The following NIM1K variants were observed in gnomAD, a reference collection of about 807,000 sequenced individuals.
NIM1K encodes the protein NIM1 serine/threonine protein kinase.
A neutral mutation model predicts 37.1 loss-of-function variants in NIM1K; 35 were observed. The observed-to-expected ratio is 0.94, with a 90% CI of 0.72 to 1.25. The LOEUF is 1.25. NIM1K is among the 50% of genes most tolerant of loss of function. NIM1K has a pLI of 0.00. For missense variants in NIM1K, 564 were observed against 548.0 expected, an observed-to-expected ratio of 1.03 and a Z score of -0.29; for synonymous variants, 234 against 206.6, an observed-to-expected ratio of 1.13 and a Z score of -1.14.
chr5:43,200,231 G>T (rs1751997396), intron 1 of NIM1K, among the ~76,000 whole-genome samples: 2 of 152,054 alleles, frequency 1.3e-5, no homozygotes, highest in Non-Finnish European at 2.9e-5. Context: ...TTGAATGACA[G>T]ATTCTATGTT....
chr5:43,266,134 A>C (rs6875529), intron 2 of NIM1K, among the ~76,000 whole-genome samples: 2,769 of 152,170 alleles, frequency 0.018, 91 homozygotes, highest in African/African-American at 0.064. Flanking sequence ...GAGAACCACT[A>C]CTCTCTTCAA....
At chr5:43,201,897 T>G (rs1752025292) in intron 1 of NIM1K, among the ~76,000 whole-genome samples, 1 of 150,642 alleles carries the variant, frequency 6.6e-6, no homozygotes, top group Admixed American at 6.7e-5. Flanking sequence ...AGGCAGAGGT[T>G]GCAGTGAGCT....
chr5:43,220,321 T>G, intron 1 of NIM1K, among the ~76,000 whole-genome samples: 1 of 139,766 alleles, frequency 7.2e-6, no homozygotes, highest in Non-Finnish European at 1.5e-5. Flanking sequence ...GGAGATGGAG[T>G]CTCACCCAGG....
Position 43,192,247 on chromosome 5 carries a change from C to G in NIM1K, c.-859C>G, listed in dbSNP as rs1013286831. On this transcript the variant is annotated 5_prime_UTR_variant, in exon 1 of 4. Coordinates refer to ENST00000326035, the MANE Select transcript of NIM1K (RefSeq NM_153361.4). Reference sequence around the variant, plus strand: ...GGCGGGGTTTGCCCTGGGCCGCTGCCGGTCAGGTCGGCCGCCCCTGACAGC... The same window carrying G: ...GGCGGGGTTTGCCCTGGGCCGCTGCGGGTCAGGTCGGCCGCCCCTGACAGC... The G allele has an allele frequency of 1.3e-5, 2 of 152,436 alleles. No individual in the cohort carries two copies. Among genetic ancestry groups the G allele is most frequent in the Non-Finnish European group, 2.9e-5 (2 of 68,220 alleles). 9.4% of individuals were successfully genotyped at this position (152,436 alleles called of 1,614,324 possible). A position where few individuals can be genotyped will look rare whatever the true frequency, so the allele number is the denominator to read the frequency against.
chr5:43,231,875 A>C, intron 1 of NIM1K: 1 of 1,184,520 alleles, frequency 8.4e-7, no homozygotes, highest in Non-Finnish European at 1.2e-6. Context: ...CCTCCTTATA[A>C]TCCTTCTCAA....
At chr5:43,231,825 C>A (rs546484822) in intron 1 of NIM1K, 3 of 1,226,066 alleles carry the variant, frequency 2.4e-6, no homozygotes, top group Non-Finnish European at 3.4e-6. Context: ...GTATTCCTCT[C>A]TTTCTTCCTC....
intron 1 of NIM1K, among the ~76,000 whole-genome samples, chr5:43,222,160 C>T (rs1371053311): frequency 6.6e-6 from 1 of 152,150 alleles, no homozygotes; most frequent in Non-Finnish European, 1.5e-5. Flanking sequence ...TCTGGCCTTG[C>T]CTTATGTCCC....
At chr5:43,222,418 C>T (rs1752393251) in intron 1 of NIM1K, among the ~76,000 whole-genome samples, 1 of 152,008 alleles carries the variant, frequency 6.6e-6, no homozygotes, top group African/African-American at 2.4e-5. Context: ...TTCATTCACC[C>T]CTGAAACATT....
At chr5:43,206,430 A>G (rs6880391) in intron 1 of NIM1K, among the ~76,000 whole-genome samples, 146,464 of 148,810 alleles carry the variant, frequency 0.98, 72,132 homozygotes, top group Middle Eastern at 1. Context: ...GAGCCCAGGG[A>G]TCAAGGCTGT....
chr5:43,198,632 A>G (rs1440759187), intron 1 of NIM1K, among the ~76,000 whole-genome samples: 1 of 152,042 alleles, frequency 6.6e-6, no homozygotes. Context: ...TTATCCTCCT[A>G]CTTTCTAGCA....
At position 43,216,233 on chromosome 5, in the gene NIM1K, T is replaced by G. The variant is rs529123711; in HGVS notation, c.-695+23822T>G. ...AGGCATGGTTTTCTGTGAAGTGAGT[T>G]GAGGAAATGGAAACTGGTGAGTCTG... On this transcript the variant is annotated intron_variant, in intron 1 of 3. Transcript: ENST00000326035. Among the ~76,000 whole-genome samples, 11 of 152,154 alleles carry G rather than the reference T, an allele frequency of 7.2e-5. No homozygotes were observed. The East Asian group carries it at 2.1e-3, about 29-fold the overall frequency.
chr5:43,260,599 G>C (rs1753012752), intron 2 of NIM1K, among the ~76,000 whole-genome samples: 3 of 151,940 alleles, frequency 2.0e-5, no homozygotes, highest in Non-Finnish European at 4.4e-5. Context: ...TATAGAGAGA[G>C]AGAGAGAGCA....
In NIM1K at chr5:43,258,229, C is replaced by A. The variant is rs531174968; in HGVS notation, c.292+12162C>A. 5.9e-5 allele frequency among the ~76,000 whole-genome samples: 9 copies of A among 152,186 alleles called. No homozygotes were observed. The South Asian group carries it at 1.9e-3, about 32-fold the overall frequency. ...TATTCTTTTGTCTTACTTCAATTGTCCAATTTTGAGTTTGTGACTACCATC... is the reference window on the plus strand; with the variant it reads ...TATTCTTTTGTCTTACTTCAATTGTACAATTTTGAGTTTGTGACTACCATC... On this transcript the variant is annotated intron_variant, in intron 2 of 3. Coordinates refer to ENST00000326035, the MANE Select transcript of NIM1K (RefSeq NM_153361.4).
At chr5:43,267,865 A>G (rs1323118801) in intron 2 of NIM1K, among the ~76,000 whole-genome samples, 1 of 152,208 alleles carries the variant, frequency 6.6e-6, no homozygotes, top group African/African-American at 2.4e-5. Flanking sequence ...TTTTGTAGCC[A>G]ATCTTATGGC....
chr5:43,232,778 G>T, intron 1 of NIM1K: 1 of 1,094,440 alleles, frequency 9.1e-7, no homozygotes, highest in South Asian at 1.4e-5. Flanking sequence ...AAGCCTTGGC[G>T]ATCCATGCAC....
At chr5:43,268,500 C>G (rs1413244322) in intron 2 of NIM1K, among the ~76,000 whole-genome samples, 2 of 152,162 alleles carry the variant, frequency 1.3e-5, no homozygotes, top group African/African-American at 4.8e-5. Context: ...TGTGGGGCCA[C>G]AGGAGTGGTT....
chr5:43,249,453 T>C (rs936906589), intron 2 of NIM1K, among the ~76,000 whole-genome samples: 1 of 152,158 alleles, frequency 6.6e-6, no homozygotes, highest in Non-Finnish European at 1.5e-5. Flanking sequence ...ATGAAATGTC[T>C]GGGCACTACG....
chr5:43,267,301 T>C (rs781405635), intron 2 of NIM1K, among the ~76,000 whole-genome samples: 1 of 152,224 alleles, frequency 6.6e-6, no homozygotes. Context: ...TCATTGGTTG[T>C]AGTGTCTCTA....
chr5:43,255,754 A>AAAAGAAAGAAGG (rs1554016085), intron 2 of NIM1K, among the ~76,000 whole-genome samples: 2 of 131,808 alleles, frequency 1.5e-5, no homozygotes, highest in Non-Finnish European at 3.1e-5. Context: ...TCTCAAAAAA[A>AAAAGAAAGAAGG]AAAGAAAGAA....
Sources: gnomAD v4.1 joint callset for allele counts (sites outside exome capture counted in the v4.1 genomes callset) on GRCh38, gnomAD v4.1.1 for gene constraint, MANE v1.5 for transcripts, NCBI Gene and HGNC (gene_info 2026-07-23, HGNC 2026-07-21) for gene names.